ITGA1: variants seen among roughly 807,000 people sequenced by gnomAD.
The protein encoded by ITGA1 is integrin alpha-1.
ITGA1 carries 85 observed loss-of-function variants against 145.9 expected under a neutral mutation model. The observed-to-expected ratio is 0.58, with a 90% confidence interval of 0.49 to 0.70. The LOEUF (loss-of-function observed/expected upper bound fraction) is 0.70. ITGA1 is among the 30% of genes least tolerant of loss of function. The pLI, the probability that ITGA1 is intolerant of heterozygous loss-of-function variation, is 0.00. For synonymous variants in ITGA1, 520 were observed against 495.3 expected, an observed-to-expected ratio of 1.05 and a Z score of -0.66; for missense variants, 1,351 against 1,418.7, an observed-to-expected ratio of 0.95 and a Z score of 0.77.
At chr5:52,905,979 C>A in intron 12 of ITGA1, 71 bp downstream of exon 12, 1 of 1,389,964 alleles carries the variant, frequency 7.2e-7, no homozygotes, top group South Asian at 1.4e-5. Context: ...TGTCTATTGT[C>A]CTAAACTTAA....
rs1318914606 is a variant in ITGA1, at chr5:52,920,428, T to G, written c.2252T>G (p.Val751Gly). 10 of 1,609,632 alleles carry G rather than the reference T, an allele frequency of 6.2e-6. No individual in the cohort carries two copies. The highest frequency in any genetic ancestry group is 8.5e-6 in the Non-Finnish European group (10 of 1,178,294). The change falls in exon 17 of 29, where the codon GTT becomes GGT. Residue 751 changes from valine to glycine, a missense_variant. By Grantham distance (109) the Val-to-Gly change is moderately radical. Transcript: ENST00000282588. ...AGAAAGGTTCAAAGGAACATCACAG[T>G]TCGAAAATCAGAATGCACTAAGCAC... ...QERKVQRNITVRKSECTKHSF... is the reference protein window; with the variant it reads ...QERKVQRNITGRKSECTKHSF...
intron 22 of ITGA1, 68 bp from the exon 23 acceptor site, chr5:52,933,826 A>C: frequency 1.3e-6 from 1 of 742,230 alleles, no homozygotes; most frequent in Non-Finnish European, 2.2e-6. Context: ...ATGGAGAAAG[A>C]AAATAATGAG....
At chr5:52,897,640 A>C in intron 10 of ITGA1, 112 bp downstream of exon 10, 1 of 692,904 alleles carries the variant, frequency 1.4e-6, no homozygotes, top group Admixed American at 2.4e-5. Flanking sequence ...TAGCTTGAAC[A>C]ATTATGCAGG....
chr5:52,898,650 G>T (rs1750268828), intron 11 of ITGA1, among the ~76,000 whole-genome samples: 2 of 152,060 alleles, frequency 1.3e-5, no homozygotes, highest in Non-Finnish European at 2.9e-5. Flanking sequence ...GATATGTTCA[G>T]TTTCTCTGTG....
intron 18 of ITGA1, among the ~76,000 whole-genome samples, chr5:52,924,168 A>G (rs548215695): frequency 6.6e-6 from 1 of 152,104 alleles, no homozygotes; most frequent in East Asian, 1.9e-4. Context: ...TTCCTACCAG[A>G]TATATTGATT....
intron 1 of ITGA1, among the ~76,000 whole-genome samples, chr5:52,847,018 T>C (rs1414861254): frequency 6.6e-6 from 1 of 152,176 alleles, no homozygotes; most frequent in Non-Finnish European, 1.5e-5. Context: ...TTGTGCTAGA[T>C]TTTGATAAAG....
chr5:52,891,903 AAC>A lies in ITGA1; in HGVS notation c.925-1770_925-1769del, dbSNP rs577722738. Among the ~76,000 whole-genome samples, 254 of 152,188 alleles carry A rather than the reference AAC, an allele frequency of 1.7e-3. 1 individual carries two copies. Among genetic ancestry groups the A allele is most frequent in the African/African-American group, 5.6e-3 (234 of 41,568 alleles). On this transcript the variant is annotated intron_variant, in intron 8 of 28. Coordinates refer to ENST00000282588, the MANE Select transcript of ITGA1 (RefSeq NM_181501.2). ...TTATCTTGAACATTTTTATATTAAA[AAC>A]AGTTTTAACATAAAAAATTTTTACA...
At chr5:52,931,948 A>G in intron 21 of ITGA1, 99 bp from the exon 22 acceptor site, 2 of 697,724 alleles carry the variant, frequency 2.9e-6, no homozygotes, top group African/African-American at 1.8e-5. Context: ...ACATGCTTTT[A>G]TTTAGTTGCC....
At chr5:52,791,748 C>A (rs1748246205) in intron 1 of ITGA1, among the ~76,000 whole-genome samples, 1 of 58,598 alleles carries the variant, frequency 1.7e-5, no homozygotes, top group East Asian at 3.6e-4. Context: ...ACTCCCTCAG[C>A]TTGTTGATTA....
intron 6 of ITGA1, among the ~76,000 whole-genome samples, chr5:52,866,040 A>C (rs898613290): frequency 7.2e-6 from 1 of 139,238 alleles, no homozygotes; most frequent in Non-Finnish European, 1.6e-5. Flanking sequence ...TTTTAGACAG[A>C]GTCTCACTCT....
chr5:52,945,295 A>T (rs773869358), intron 27 of ITGA1, among the ~76,000 whole-genome samples: 20 of 152,124 alleles, frequency 1.3e-4, no homozygotes, highest in Non-Finnish European at 2.8e-4. Flanking sequence ...TATCACGGTA[A>T]ATGGATGTTT....
At chr5:52,882,151 A>G in intron 7 of ITGA1, 130 bp downstream of exon 7, 1 of 702,298 alleles carries the variant, frequency 1.4e-6, no homozygotes, top group Non-Finnish European at 2.2e-6. Context: ...AATGAGATTC[A>G]GAAGATTAAA....
chr5:52,822,051 T>G (rs1425620359), intron 1 of ITGA1, among the ~76,000 whole-genome samples: 1 of 152,222 alleles, frequency 6.6e-6, no homozygotes, highest in African/African-American at 2.4e-5. Context: ...AATGGAAGAA[T>G]GTCAACAACA....
rs755541352 is a variant in ITGA1, at chr5:52,801,527, A to G, written c.61+13113A>G. ...GAAGTCAAAGCCTTGGATGACTTCT[A>G]TAAAATGTTACAGCATGAACCGGAT... On this transcript the variant is annotated intron_variant, in intron 1 of 28. Coordinates refer to ENST00000282588, the MANE Select transcript of ITGA1 (RefSeq NM_181501.2). 12 of 1,614,090 alleles carry G rather than the reference A, an allele frequency of 7.4e-6. No individual in the cohort carries two copies. The highest frequency in any genetic ancestry group is 1.0e-5 in the Non-Finnish European group (12 of 1,180,028).
Position 52,957,913 on chromosome 5 carries a change from T to G in ITGA1, c.*5462T>G, listed in dbSNP as rs1751325948. 6.6e-6 allele frequency: 1 copy of G among 152,240 alleles called. No homozygotes were observed. The highest frequency in any genetic ancestry group is 2.1e-4 in the South Asian group (1 of 4,830). The allele number at this position is 152,240 out of a possible 1,614,324, so 9.4% of individuals were successfully genotyped here. ...TTGTAGGAACTCTTTTGCAATAGAC[T>G]GAGATCCAATGTTTAAATCTTTTTA... On this transcript the variant is annotated 3_prime_UTR_variant, in exon 29 of 29. Coordinates refer to ENST00000282588, the MANE Select transcript of ITGA1 (RefSeq NM_181501.2).
At chr5:52,938,450 C>T (rs775194156) in intron 24 of ITGA1, among the ~76,000 whole-genome samples, 1 of 151,972 alleles carries the variant, frequency 6.6e-6, no homozygotes, top group African/African-American at 2.4e-5. Context: ...AAAGTGTTCC[C>T]AGAAATCAAG....
At chr5:52,912,102 G>T (rs1184736101) in intron 14 of ITGA1, among the ~76,000 whole-genome samples, 5 of 137,010 alleles carry the variant, frequency 3.6e-5, no homozygotes, top group African/African-American at 5.3e-5. Context: ...ACTATATATA[G>T]CGTATCTAGT....
chr5:52,914,094 A>G (rs1351702612), intron 14 of ITGA1, among the ~76,000 whole-genome samples: 2 of 152,232 alleles, frequency 1.3e-5, no homozygotes, highest in African/African-American at 4.8e-5. Context: ...CAGATGAAAT[A>G]GATTTGTCAT....
At chr5:52,809,771 G>C (rs1223678351) in intron 1 of ITGA1, among the ~76,000 whole-genome samples, 2 of 152,024 alleles carry the variant, frequency 1.3e-5, no homozygotes. Flanking sequence ...CTCCCCAAGT[G>C]GGATTACAGG....
Sources: allele counts gnomAD v4.1 joint callset (sites outside exome capture counted in the v4.1 genomes callset), GRCh38; gene constraint gnomAD v4.1.1; transcripts MANE v1.5; gene names NCBI Gene and HGNC (gene_info 2026-07-23, HGNC 2026-07-21).